The following RBFOX1 variants were observed in gnomAD, a reference collection of about 807,000 sequenced individuals.
The protein encoded by RBFOX1 is RNA binding fox-1 homolog 1, also known as RNA binding protein fox-1 homolog 1.
A neutral mutation model predicts 57.7 loss-of-function variants in RBFOX1; 8 were observed. That is an observed-to-expected ratio of 0.14 (90% CI 0.08 to 0.25). RBFOX1 has a LOEUF of 0.25. RBFOX1 is among the 10% of genes least tolerant of loss of function. The pLI, the probability that RBFOX1 is intolerant of heterozygous loss-of-function variation, is 1.00. For synonymous variants in RBFOX1, 326 were observed against 222.4 expected, an observed-to-expected ratio of 1.47 and a Z score of -4.15; for missense variants, 611 against 548.5, an observed-to-expected ratio of 1.11 and a Z score of -1.14.
At chr16:6,275,544 T>C (rs986007100) in intron 1 of RBFOX1, among the ~76,000 whole-genome samples, 1 of 152,142 alleles carries the variant, frequency 6.6e-6, no homozygotes, top group African/African-American at 2.4e-5. Context: ...AAAAATGGTA[T>C]GTTGTTGTGT....
At chr16:6,054,004 G>A (rs1044090624) in intron 1 of RBFOX1, among the ~76,000 whole-genome samples, 1 of 152,072 alleles carries the variant, frequency 6.6e-6, no homozygotes, top group African/African-American at 2.4e-5. Context: ...TACAGTGTTG[G>A]TGCCACTGTA....
intron 7 of RBFOX1, among the ~76,000 whole-genome samples, chr16:7,592,443 G>A (rs906931084): frequency 2.0e-5 from 3 of 152,184 alleles, no homozygotes; most frequent in Non-Finnish European, 4.4e-5. Context: ...GGAGTATAAT[G>A]TTGGACAGGA....
chr16:6,145,090 A>G (rs1377934968), intron 1 of RBFOX1, among the ~76,000 whole-genome samples: 2 of 151,950 alleles, frequency 1.3e-5, no homozygotes, highest in Non-Finnish European at 2.9e-5. Context: ...TACACAGGTA[A>G]ACTTGTGTCA....
At chr16:6,580,193 A>C (rs1567757197) in intron 2 of RBFOX1, among the ~76,000 whole-genome samples, 1 of 152,114 alleles carries the variant, frequency 6.6e-6, no homozygotes, top group African/African-American at 2.4e-5. Flanking sequence ...TCCTGACCTC[A>C]TAATCTGCCC....
At chr16:6,887,896 A>C (rs1259236978) in intron 3 of RBFOX1, among the ~76,000 whole-genome samples, 2 of 152,088 alleles carry the variant, frequency 1.3e-5, no homozygotes, top group African/African-American at 2.4e-5. Flanking sequence ...TCCAGACTTC[A>C]AGTGATCCAC....
At chr16:7,473,116 G>T (rs901250021) in intron 4 of RBFOX1, among the ~76,000 whole-genome samples, 1 of 152,142 alleles carries the variant, frequency 6.6e-6, no homozygotes, top group African/African-American at 2.4e-5. Flanking sequence ...AGTGGCTCAT[G>T]CCTGTAATCT....
At chr16:7,263,112 T>C (rs2094984994) in intron 4 of RBFOX1, among the ~76,000 whole-genome samples, 1 of 152,218 alleles carries the variant, frequency 6.6e-6, no homozygotes, top group African/African-American at 2.4e-5. Context: ...GGTGAGTCAC[T>C]CAGCAAATGA....
At chr16:6,120,039 T>C (rs1352596710) in intron 1 of RBFOX1, among the ~76,000 whole-genome samples, 2 of 152,242 alleles carry the variant, frequency 1.3e-5, no homozygotes, top group Admixed American at 1.3e-4. Context: ...TCATACAGTA[T>C]GTGGCTGTTT....
At chr16:6,961,497 GAAGA>G (rs2083003373) in intron 3 of RBFOX1, among the ~76,000 whole-genome samples, 2 of 152,210 alleles carry the variant, frequency 1.3e-5, no homozygotes, top group African/African-American at 4.8e-5. Flanking sequence ...GGAAATTGCA[GAAGA>G]AAGAATCAGA....
intron 4 of RBFOX1, among the ~76,000 whole-genome samples, chr16:7,084,974 C>G (rs2059767373): frequency 6.6e-6 from 1 of 152,136 alleles, no homozygotes; most frequent in Non-Finnish European, 1.5e-5. Flanking sequence ...GTCTGTCTGT[C>G]TGTCCATCCG....
intron 2 of RBFOX1, among the ~76,000 whole-genome samples, chr16:6,599,115 C>T (rs13332491): frequency 0.069 from 10,479 of 152,196 alleles, 1,228 homozygotes; most frequent in African/African-American, 0.24. Flanking sequence ...TTCCAAATCA[C>T]CTGATACGGT....
intron 2 of RBFOX1, among the ~76,000 whole-genome samples, chr16:6,527,231 G>A (rs2096593468): frequency 6.6e-6 from 1 of 152,100 alleles, no homozygotes; most frequent in African/African-American, 2.4e-5. Context: ...TCCCTTTCCA[G>A]AAGTAAAGAC....
chr16:5,407,338 A>C (rs1308500007), intron 1 of RBFOX1, among the ~76,000 whole-genome samples: 1 of 152,050 alleles, frequency 6.6e-6, no homozygotes, highest in African/African-American at 2.4e-5. Context: ...AACTATATCA[A>C]GTGACATCTG....
intron 3 of RBFOX1, among the ~76,000 whole-genome samples, chr16:5,721,208 G>C (rs1356144509): frequency 6.6e-6 from 1 of 151,958 alleles, no homozygotes; most frequent in African/African-American, 2.4e-5. Flanking sequence ...TATTCTTTTT[G>C]ATACTATTAT....
intron 4 of RBFOX1, among the ~76,000 whole-genome samples, chr16:5,964,176 T>A (rs9925424): frequency 0.55 from 83,288 of 151,952 alleles, 24,601 homozygotes; most frequent in African/African-American, 0.78. Flanking sequence ...TCAGGGAGGT[T>A]AAAATCAAAA....
intron 4 of RBFOX1, among the ~76,000 whole-genome samples, chr16:7,235,812 A>T (rs2093737382): frequency 6.6e-6 from 1 of 152,228 alleles, no homozygotes; most frequent in Non-Finnish European, 1.5e-5. Context: ...CTAAAAAATA[A>T]TGCCTTATTC....
At chr16:6,434,833 A>G (rs549567544) in intron 2 of RBFOX1, among the ~76,000 whole-genome samples, 86 of 152,300 alleles carry the variant, frequency 5.6e-4, no homozygotes, top group South Asian at 1.0e-3. Context: ...AATGATTTGT[A>G]CCTCATGATC....
At position 6,296,353 on chromosome 16, in the gene RBFOX1, T is replaced by A. The variant is rs559337807; in HGVS notation, c.-126-20642T>A. ...TTCTCTAGCAGCCTCACTATACTTA[T>A]CTGGAAAATGGGTATAAAGGCAGTT... On this transcript the variant is annotated intron_variant, in intron 1 of 15. Coordinates refer to ENST00000550418, the MANE Select transcript of RBFOX1 (RefSeq NM_018723.4). Among the ~76,000 whole-genome samples the A allele has an allele frequency of 1.4e-4, 22 of 152,110 alleles. No individual in the cohort carries two copies. The South Asian group carries it at 4.4e-3, about 30-fold the overall frequency.
intron 4 of RBFOX1, among the ~76,000 whole-genome samples, chr16:7,211,707 G>T (rs1697756198): frequency 6.6e-6 from 1 of 152,096 alleles, no homozygotes; most frequent in African/African-American, 2.4e-5. Context: ...TAATGGGTGG[G>T]TTTCCTTTTC....
Sources: gnomAD v4.1 joint callset for allele counts (sites outside exome capture counted in the v4.1 genomes callset) on GRCh38, gnomAD v4.1.1 for gene constraint, MANE v1.5 for transcripts, NCBI Gene and HGNC (gene_info 2026-07-23, HGNC 2026-07-21) for gene names.